Variants in PMS2 observed in about 807,000 individuals in gnomAD.
PMS2 encodes the protein PMS1 homolog 2, mismatch repair system component, also known as mismatch repair endonuclease PMS2.
A neutral mutation model predicts 90.0 loss-of-function variants in PMS2; 69 were observed. The ratio of observed to expected loss-of-function variants is 0.77; its 90% CI spans 0.63 to 0.94. The LOEUF (loss-of-function observed/expected upper bound fraction) is 0.94. Among genes scored for constraint, PMS2 ranks in the 40% least tolerant of loss-of-function variants. The pLI is 0.00. For missense variants in PMS2, 966 were observed against 1,040.2 expected (o/e 0.93, Z 0.98); for synonymous variants, 332 against 375.1 (o/e 0.89, Z 1.33).
chr7:6,001,174 G>A (rs868366249), intron 5 of PMS2, among the ~76,000 whole-genome samples: 1 of 152,146 alleles, frequency 6.6e-6, no homozygotes, highest in African/African-American at 2.4e-5. Context: ...GAACATGAAA[G>A]TGCCGAGTCT....
rs1554298690 is a variant in PMS2, at chr7:5,989,850, C to A, written c.1094G>T (p.Ser365Ile). 1.2e-6 allele frequency: 2 copies of A among 1,612,956 alleles called. No individual in the cohort carries two copies. The highest frequency in any genetic ancestry group is 2.7e-5 in the African/African-American group (2 of 75,022). ...LKTSLIGMFD[S>I]DVNKLNVSQQ... ...ACTGACATTTAGCTTGTTGACATCA[C>A]TATCAAACATTCCTATCAAAGAGGT... The change falls in exon 10 of 15, where the codon AGT (serine) becomes ATT (isoleucine). Residue 365 changes from serine to isoleucine, a missense_variant. By Grantham distance (142) the Ser-to-Ile change is moderately radical. Transcript: ENST00000265849.
rs988911512 is a variant in PMS2 at position 6,002,788 on chromosome 7, A to G, written c.354-152T>C. 26 of 724,184 alleles carry G rather than the reference A, an allele frequency of 3.6e-5. No homozygotes were observed. The Admixed American group carries it at 3.8e-4, about 11-fold the overall frequency. 44.9% of individuals were successfully genotyped at this position (724,184 alleles called of 1,614,324 possible). ...TCAAGATCTAAATGGTTGAGGAGTC[A>G]TCATAAAATCTAAGGTTTGGCATCT... On this transcript the variant is annotated intron_variant, in intron 4 of 14. Transcript: ENST00000265849.
intron 10 of PMS2, 47 bp downstream of exon 10, chr7:5,989,753 A>G (rs1255920274): frequency 2.1e-6 from 3 of 1,459,158 alleles, no homozygotes; most frequent in South Asian, 1.2e-5. Flanking sequence ...AAGGAAACAC[A>G]TTAGCTAAAA....
chr7:6,004,094 A>G (rs1208351707), intron 2 of PMS2, 36 bp from the exon 3 acceptor site: 57 of 1,150,218 alleles, frequency 5.0e-5, no homozygotes, highest in Non-Finnish European at 7.5e-5. Flanking sequence ...TTTATTAAAA[A>G]CGGACCCATG....
chr7:5,977,417 C>T (rs1409806765), intron 14 of PMS2, among the ~76,000 whole-genome samples, 171 bp downstream of exon 14: 2 of 146,438 alleles, frequency 1.4e-5, no homozygotes, highest in African/African-American at 4.9e-5. Context: ...TCACAGAGAA[C>T]GCAGACGACA....
chr7:6,008,112 C>T (rs1355205016), intron 1 of PMS2, among the ~76,000 whole-genome samples: 2 of 152,144 alleles, frequency 1.3e-5, no homozygotes, highest in Admixed American at 6.5e-5. Context: ...CCGCCTTGGC[C>T]TCCCAAAGTG....
rs1358432208 is a variant in PMS2, at chr7:5,982,525, C to T, written c.2174+299G>A. ...GGCCTTTTTGTATTTTTAGTAGAGG[C>T]GGGGTTTCACCACGTTGGCCAGGCT... is the stretch of plus-strand genomic sequence containing the variant. On this transcript the variant is annotated intron_variant, in intron 12 of 14. Coordinates refer to ENST00000265849, the MANE Select transcript of PMS2 (RefSeq NM_000535.7). Among the ~76,000 whole-genome samples the T allele has an allele frequency of 4.6e-5, 7 of 151,464 alleles. No homozygotes were observed. In the East Asian group the frequency reaches 5.8e-4, roughly 13 times the overall value.
chr7:5,992,102 C>T (rs1286108753), intron 8 of PMS2, 45 bp from the exon 9 acceptor site: 1 of 991,086 alleles, frequency 1.0e-6, no homozygotes, highest in Non-Finnish European at 1.6e-6. Context: ...GACAAATGTT[C>T]CCAGCCCCCC....
Position 5,986,779 on chromosome 7 carries a change from A to G in PMS2, c.1986T>C (p.Asp662=). 6.2e-7 allele frequency: 1 copy of G among 1,606,176 alleles called. No homozygotes were observed. The highest frequency in any genetic ancestry group is 8.5e-7 in the Non-Finnish European group (1 of 1,178,160). The change falls in exon 11 of 15, where the codon GAT becomes GAC. Residue 662 remains aspartate (D), a synonymous_variant. Transcript: ENST00000265849. ...ICPGENQAAE[D]ELRKEISKTM... is the part of the protein sequence containing the mutation. ...TTTACCTTATCTCTTTTCTTAGTTC[A>G]TCTTCGGCTGCTTGATTTTCTCCAG...
At chr7:5,979,141 A>G (rs1782045416) in intron 12 of PMS2, among the ~76,000 whole-genome samples, 1 of 130,710 alleles carries the variant, frequency 7.7e-6, no homozygotes, top group African/African-American at 3.0e-5. Flanking sequence ...CAGAGGTTGT[A>G]GTGAGAGCCA....
intron 8 of PMS2, among the ~76,000 whole-genome samples, chr7:5,993,752 TAG>T (rs1442126534): frequency 6.8e-6 from 1 of 146,130 alleles, no homozygotes; most frequent in East Asian, 2.0e-4. Flanking sequence ...TCCTAGCTAC[TAG>T]AGAGGCTGGG....
At chr7:5,989,976 T>C (rs368694601) in intron 9 of PMS2, 21 bp from the exon 10 acceptor site, 3 of 1,471,756 alleles carry the variant, frequency 2.0e-6, no homozygotes, top group Non-Finnish European at 2.8e-6. Flanking sequence ...AAAGAAAACA[T>C]ATTTATTATG....
intron 4 of PMS2, 88 bp from the exon 5 acceptor site, chr7:6,002,724 C>G (rs1358339058): frequency 9.4e-7 from 1 of 1,069,108 alleles, no homozygotes; most frequent in Admixed American, 1.7e-5. Context: ...GCTTTTCTCT[C>G]AAAATTTTCT....
In PMS2 at chr7:6,004,051, C is replaced by T. The variant is rs760031402; in HGVS notation, c.171G>A (p.Lys57=). ...TAAGATCCACTCCATAGTCCTTAAG[C>T]TTTAGATCTAGAAAGTTTAAAATAT... ...LDAGATNIDL[K]LKDYGVDLIE... Residue 57 remains lysine, a synonymous_variant, in exon 3 of 15, where the codon AAG becomes AAA. Coordinates refer to ENST00000265849, the MANE Select transcript of PMS2 (RefSeq NM_000535.7). The T allele has an allele frequency of 1.3e-6, 2 of 1,564,660 alleles. No homozygotes were observed. The highest frequency in any genetic ancestry group is 1.1e-5 in the South Asian group (1 of 89,594).
chr7:6,000,197 G>A (rs1215578494), intron 5 of PMS2, among the ~76,000 whole-genome samples: 1 of 151,562 alleles, frequency 6.6e-6, no homozygotes. Flanking sequence ...CAACACAGAA[G>A]GACCCATCTC....
chr7:5,982,638 A>G (rs1245116667), intron 12 of PMS2, among the ~76,000 whole-genome samples, 186 bp downstream of exon 12: 1 of 152,138 alleles, frequency 6.6e-6, no homozygotes, highest in Admixed American at 6.5e-5. Flanking sequence ...CGCCTGGCCA[A>G]CTAGATATTT....
chr7:5,978,012 C>T (rs1341222401), intron 13 of PMS2, among the ~76,000 whole-genome samples: 4 of 149,760 alleles, frequency 2.7e-5, no homozygotes, highest in African/African-American at 2.5e-5. Context: ...CCCAGCTACT[C>T]GGGAGGCTGA....
rs558375877 is a variant in PMS2 at position 5,973,246 on chromosome 7, T to G, written c.*153A>C. 59 of 624,102 alleles carry G rather than the reference T, an allele frequency of 9.5e-5. 7 individuals are homozygous for G. In the African/African-American group the frequency reaches 9.9e-4, roughly 10 times the overall value. 38.7% of individuals were successfully genotyped at this position (624,102 alleles called of 1,614,324 possible). ...TTTGCAAGCAATGCTCCATCTGGTTTGAAAAGGTTCTCAAGATCACTTTTA... is the reference window on the plus strand; with the variant it reads ...TTTGCAAGCAATGCTCCATCTGGTTGGAAAAGGTTCTCAAGATCACTTTTA... On this transcript the variant is annotated 3_prime_UTR_variant, in exon 15 of 15. Transcript: ENST00000265849.
At chr7:5,998,693 C>CAAA (rs1170781204) in intron 6 of PMS2, among the ~76,000 whole-genome samples, 1 of 101,500 alleles carries the variant, frequency 9.9e-6, no homozygotes, top group Non-Finnish European at 2.1e-5. Flanking sequence ...GACTCCAGCT[C>CAAA]AAAAAAAAAA....
Sources: allele counts gnomAD v4.1 joint callset (sites outside exome capture counted in the v4.1 genomes callset), GRCh38; gene constraint gnomAD v4.1.1; transcripts MANE v1.5; gene names NCBI Gene and HGNC (gene_info 2026-07-23, HGNC 2026-07-21).